PELP1: variants seen among roughly 807,000 people sequenced by gnomAD.
The protein encoded by PELP1 is proline-, glutamic acid- and leucine-rich protein 1.
Under a neutral mutation model 95.5 loss-of-function variants are expected in PELP1, and 32 were observed. That is an observed-to-expected ratio of 0.34 (90% CI 0.25 to 0.45). PELP1 has a LOEUF of 0.45. Among genes scored for constraint, PELP1 ranks in the 20% least tolerant of loss-of-function variants. The pLI is 1.00. For synonymous variants in PELP1, 668 were observed against 600.1 expected, an observed-to-expected ratio of 1.11 and a Z score of -1.65; for missense variants, 1,358 against 1,444.8, an observed-to-expected ratio of 0.94 and a Z score of 0.97.
chr17:4,681,443 G>C (rs1301776699), intron 5 of PELP1, among the ~76,000 whole-genome samples: 1 of 152,008 alleles, frequency 6.6e-6, no homozygotes, highest in African/African-American at 2.4e-5. Flanking sequence ...CCTGGGAGGT[G>C]GAGCTTGCAG....
rs367920370 is a variant in PELP1, at chr17:4,703,972, G to C, written c.140C>G (p.Pro47Arg). 25 of 1,613,512 alleles carry C rather than the reference G, an allele frequency of 1.5e-5. No individual in the cohort carries two copies. In the African/African-American group the frequency reaches 2.8e-4, roughly 18 times the overall value. Residue 47 changes from proline (P) to arginine (R), a missense_variant, in exon 1 of 17, where the codon CCT becomes CGT. Pro to Arg is a moderately radical substitution (Grantham distance 103). This residue lies in a region of PELP1 where 169 missense variants were observed against 134.9 expected (regional missense o/e 1.25). Coordinates refer to ENST00000572293, the MANE Select transcript of PELP1 (RefSeq NM_014389.3). ...CGGAGCAACGGCAGACCCCGTTCGAGGTTGCAGCAAACCAGAAACACTCTC... is the reference window on the plus strand; with the variant it reads ...CGGAGCAACGGCAGACCCCGTTCGACGTTGCAGCAAACCAGAAACACTCTC... ...LLESVSGLLQ[P>R]RTGSAVAPVH...
chr17:4,685,134 C>T (rs1912860181), intron 3 of PELP1, among the ~76,000 whole-genome samples: 1 of 152,164 alleles, frequency 6.6e-6, no homozygotes, highest in Admixed American at 6.5e-5. Context: ...GCTTCTTATC[C>T]CGTGCCAGTC....
intron 7 of PELP1, 96 bp downstream of exon 7, chr17:4,676,261 A>C: frequency 6.3e-7 from 1 of 1,574,964 alleles, no homozygotes; most frequent in Middle Eastern, 1.7e-4. Context: ...CATTTTCCCC[A>C]AAAACCAACT....
Position 4,672,294 on chromosome 17 carries a change from TTCTTCTTCC to T in PELP1, c.2688_2696del (p.Glu906_Glu908del), listed in dbSNP as rs777224907. 675 of 1,551,248 alleles carry T rather than the reference TTCTTCTTCC, an allele frequency of 4.4e-4. No individual in the cohort carries two copies. The highest frequency in any genetic ancestry group is 7.5e-4 in the African/African-American group (55 of 73,064). ...CCTCCTCTTCCTCTTCTTCCTCTTC[TTCTTCTTCC>T]TCTTCTTCCTCTTCCTCCTCCTCTT... is the stretch of plus-strand genomic sequence containing the variant. On this transcript the variant is annotated inframe_deletion, in exon 16 of 17. Coordinates refer to ENST00000572293, the MANE Select transcript of PELP1 (RefSeq NM_014389.3).
intron 3 of PELP1, among the ~76,000 whole-genome samples, chr17:4,690,627 C>A (rs1029149723): frequency 6.6e-6 from 1 of 152,064 alleles, no homozygotes; most frequent in Non-Finnish European, 1.5e-5. Context: ...GAGGCTGAGG[C>A]AGGAGAATCA....
At chr17:4,697,469 G>A (rs56003988) in intron 1 of PELP1, among the ~76,000 whole-genome samples, 24,641 of 151,982 alleles carry the variant, frequency 0.16, 2,584 homozygotes, top group Non-Finnish European at 0.25. Context: ...AGCTATGATC[G>A]CGCCACTGCA....
At chr17:4,671,559 G>C (rs1355731765) in intron 16 of PELP1, 28 bp from the exon 17 acceptor site, 6 of 1,612,852 alleles carry the variant, frequency 3.7e-6, no homozygotes, top group Non-Finnish European at 5.1e-6. Flanking sequence ...ACAAGATTCA[G>C]AATAGTCACA....
At position 4,673,581 on chromosome 17, in the gene PELP1, C is replaced by T. The variant is rs754897672; in HGVS notation, c.1638+38G>A. 4 of 1,605,746 alleles carry T rather than the reference C, an allele frequency of 2.5e-6. No individual in the cohort carries two copies. The highest frequency in any genetic ancestry group is 2.2e-5 in the East Asian group (1 of 44,828). The stretch of plus-strand genomic sequence containing the variant: ...CCCCCAATGTGTACAGAGCAGGGGC[C>T]CCTTCCCCTATCTCCACGGAGACGA... On this transcript the variant is annotated intron_variant, in intron 14 of 16. Coordinates refer to ENST00000572293, the MANE Select transcript of PELP1 (RefSeq NM_014389.3). This position sits in a 1 kb window ranked among gnomAD's most constrained non-coding sequence, Gnocchi z 5.7.
At chr17:4,682,680 T>C in intron 4 of PELP1, 107 bp from the exon 5 acceptor site, 16 of 1,442,294 alleles carry the variant, frequency 1.1e-5, no homozygotes, top group East Asian at 2.3e-5. Context: ...CACTTTTTCT[T>C]GGCCCCTCCC....
rs1351767304 is a variant in PELP1, at chr17:4,676,598, T to C, written c.703-91A>G. 5 of 1,518,354 alleles carry C rather than the reference T, an allele frequency of 3.3e-6. No individual in the cohort carries two copies. The East Asian group carries it at 9.0e-5, about 27-fold the overall frequency. The allele number at this position is 1,518,354 out of a possible 1,614,324, so 94.1% of individuals were successfully genotyped here. Reference sequence around the variant, plus strand: ...CACTGACACCCAAAAGAGATGGAGATCAGAGAGAGCTCTGAGGGAAACCTG... The same window carrying C: ...CACTGACACCCAAAAGAGATGGAGACCAGAGAGAGCTCTGAGGGAAACCTG... On this transcript the variant is annotated intron_variant, in intron 6 of 16. Coordinates refer to ENST00000572293, the MANE Select transcript of PELP1 (RefSeq NM_014389.3).
intron 4 of PELP1, 82 bp downstream of exon 4, chr17:4,682,721 T>C: frequency 2.0e-6 from 3 of 1,467,090 alleles, no homozygotes; most frequent in Non-Finnish European, 2.8e-6. Context: ...TATTCCCCAG[T>C]CACTTCCATC....
intron 3 of PELP1, among the ~76,000 whole-genome samples, chr17:4,683,861 CAG>C (rs952910254): frequency 1.0e-5 from 1 of 98,744 alleles, no homozygotes; most frequent in Non-Finnish European, 1.8e-5. Flanking sequence ...TTTTTTGAGA[CAG>C]GGTCTCACTC....
Position 4,673,266 on chromosome 17 carries a change from C to T in PELP1, c.1829G>A (p.Arg610Gln), listed in dbSNP as rs1912312240. The T allele has an allele frequency of 1.5e-5, 24 of 1,573,062 alleles. No homozygotes were observed. The highest frequency in any genetic ancestry group is 2.3e-5 in the East Asian group (1 of 42,806). The change falls in exon 15 of 17, where the codon CGA becomes CAA. Residue 610 changes from arginine to glutamine, a missense_variant. This residue lies in a region of PELP1 where 18 missense variants were observed against 39.0 expected (regional missense o/e 0.46). Transcript: ENST00000572293. The surrounding 1 kb of genome is among the most constrained non-coding windows in gnomAD (Gnocchi z 5.7). ...CACAGTTACCTCAAGGCTATCTTCT[C>T]GCTGGCCGAGGGAGAAGGCTTGCAG... ...CALQAFSLGQREDSLEVSSFC... is the reference protein window; with the variant it reads ...CALQAFSLGQQEDSLEVSSFC...
chr17:4,702,091 G>T (rs953876612), intron 1 of PELP1, among the ~76,000 whole-genome samples: 3 of 152,118 alleles, frequency 2.0e-5, no homozygotes, highest in African/African-American at 7.2e-5. Flanking sequence ...ATTTATAGGC[G>T]GGATAGGTAA....
intron 1 of PELP1, among the ~76,000 whole-genome samples, chr17:4,699,500 G>A (rs1913433916): frequency 6.6e-6 from 1 of 152,180 alleles, no homozygotes; most frequent in Non-Finnish European, 1.5e-5. Flanking sequence ...GAAGAAGAAG[G>A]AGAGACAAAA....
chr17:4,675,394 G>C lies in PELP1; in HGVS notation c.1069-32C>G. ...AAAAAAGGGGCAGAGATAAAGAGTGGAGGAAGAAAGTGAGAGCCAGAGAGA... is the reference window on the plus strand; with the variant it reads ...AAAAAAGGGGCAGAGATAAAGAGTGCAGGAAGAAAGTGAGAGCCAGAGAGA... On this transcript the variant is annotated intron_variant, in intron 9 of 16. Transcript: ENST00000572293. This position sits in a 1 kb window ranked among gnomAD's most constrained non-coding sequence, Gnocchi z 4.3. The C allele has an allele frequency of 7.6e-7, 1 of 1,317,584 alleles. No homozygotes were observed. The highest frequency in any genetic ancestry group is 1.3e-5 in the South Asian group (1 of 79,274). The allele number at this position is 1,317,584 out of a possible 1,614,324, so 81.6% of individuals were successfully genotyped here. A position where few individuals can be genotyped will look rare whatever the true frequency, so the allele number is the denominator to read the frequency against.
In PELP1 at chr17:4,673,854, C is replaced by A; in HGVS notation, c.1583-180G>T. The A allele has an allele frequency of 1.7e-6, 1 of 589,906 alleles. No individual in the cohort carries two copies. Among genetic ancestry groups the A allele is most frequent in the Non-Finnish European group, 3.1e-6 (1 of 325,704 alleles). 36.5% of individuals were successfully genotyped at this position (589,906 alleles called of 1,614,324 possible). Reference sequence around the variant, plus strand: ...TACCTCTACTGTATAGGGCCACTGACGGTATTTAATTGAGACAATGTAAGT... The same window carrying A: ...TACCTCTACTGTATAGGGCCACTGAAGGTATTTAATTGAGACAATGTAAGT... On this transcript the variant is annotated intron_variant, in intron 13 of 16. Coordinates refer to ENST00000572293, the MANE Select transcript of PELP1 (RefSeq NM_014389.3). This position sits in a 1 kb window ranked among gnomAD's most constrained non-coding sequence, Gnocchi z 5.7.
intron 1 of PELP1, among the ~76,000 whole-genome samples, chr17:4,697,361 C>T (rs990713647): frequency 2.0e-5 from 3 of 152,018 alleles, no homozygotes; most frequent in African/African-American, 7.2e-5. Flanking sequence ...AAAAATCAAA[C>T]AGATTAGCTG....
intron 3 of PELP1, among the ~76,000 whole-genome samples, chr17:4,684,681 AT>A (rs1912843241): frequency 6.6e-6 from 1 of 152,282 alleles, no homozygotes; most frequent in Admixed American, 6.5e-5. Context: ...TCTTAAAAAA[AT>A]CTTGTCTTTT....
Sources: gnomAD v4.1 joint callset for allele counts (sites outside exome capture counted in the v4.1 genomes callset) on GRCh38, gnomAD v4.1.1 for gene constraint, gnomAD v4.1.1 regional missense constraint, Gnocchi (gnomAD v3.1) non-coding constraint, MANE v1.5 for transcripts, NCBI Gene and HGNC (gene_info 2026-07-23, HGNC 2026-07-21) for gene names.